NBEA: variants seen among roughly 807,000 people sequenced by gnomAD.
The protein encoded by NBEA is lysosomal-trafficking regulator 2.
Under a neutral mutation model 343.4 loss-of-function variants are expected in NBEA, and 44 were observed. The observed-to-expected ratio is 0.13, with a 90% CI of 0.10 to 0.16. NBEA has a LOEUF of 0.16. NBEA is among the 10% of genes least tolerant of loss of function. The pLI is 1.00. For synonymous variants in NBEA, 1,175 were observed against 1,238.7 expected, an observed-to-expected ratio of 0.95 and a Z score of 1.08; for missense variants, 2,555 against 3,631.3, an observed-to-expected ratio of 0.70 and a Z score of 7.62.
intron 44 of NBEA, among the ~76,000 whole-genome samples, chr13:35,558,684 A>G (rs1379703561): frequency 1.3e-5 from 2 of 152,252 alleles, no homozygotes; most frequent in Admixed American, 1.3e-4. Flanking sequence ...CTACAGAATC[A>G]GAAGCCGGCA....
At chr13:35,234,098 T>C (rs1473480713) in intron 34 of NBEA, among the ~76,000 whole-genome samples, 2 of 152,170 alleles carry the variant, frequency 1.3e-5, no homozygotes, top group Non-Finnish European at 2.9e-5. Context: ...GCCAGTCTCA[T>C]GTGAACCAGA....
At chr13:35,491,620 T>C (rs2076502254) in intron 41 of NBEA, among the ~76,000 whole-genome samples, 1 of 151,908 alleles carries the variant, frequency 6.6e-6, no homozygotes. Flanking sequence ...TCACCAACTT[T>C]ACAGCTTCCA....
chr13:34,959,873 A>G (rs1319811016), intron 1 of NBEA, among the ~76,000 whole-genome samples: 1 of 152,192 alleles, frequency 6.6e-6, no homozygotes, highest in Non-Finnish European at 1.5e-5. Flanking sequence ...TGCTAGTTGT[A>G]TAAAGGTATA....
chr13:35,441,912 A>G (rs1317602278), intron 39 of NBEA, among the ~76,000 whole-genome samples: 3 of 150,980 alleles, frequency 2.0e-5, no homozygotes, highest in African/African-American at 7.3e-5. Flanking sequence ...GCCCACTCTC[A>G]AGTTGTCCAG....
chr13:35,162,055 C>T (rs2069601657), intron 23 of NBEA, 88 bp downstream of exon 23: 5 of 1,096,770 alleles, frequency 4.6e-6, no homozygotes, highest in Admixed American at 2.8e-5. Context: ...AACCAAAAAT[C>T]TGCCTTGATT....
At chr13:35,062,763 T>A (rs2063512192) in intron 8 of NBEA, among the ~76,000 whole-genome samples, 1 of 151,948 alleles carries the variant, frequency 6.6e-6, no homozygotes, top group African/African-American at 2.4e-5. Flanking sequence ...TCTTTAAGTC[T>A]TTTGAAAGAA....
chr13:35,550,735 TAAAAA>T (rs1566306681), intron 42 of NBEA, 141 bp downstream of exon 42: 1 of 687,716 alleles, frequency 1.5e-6, no homozygotes. Flanking sequence ...TTTTAAAAAA[TAAAAA>T]AAGAATGAAT....
intron 35 of NBEA, among the ~76,000 whole-genome samples, chr13:35,290,711 T>G (rs1047739783): frequency 6.6e-6 from 1 of 151,156 alleles, no homozygotes; most frequent in East Asian, 1.9e-4. Flanking sequence ...TCTTCCATTG[T>G]TTCCTATCAT....
chr13:34,945,810 A>C (rs2059169600), intron 1 of NBEA, among the ~76,000 whole-genome samples: 1 of 151,986 alleles, frequency 6.6e-6, no homozygotes, highest in South Asian at 2.1e-4. Context: ...CTTGGTTTTT[A>C]GGTGCTGTTT....
chr13:35,456,052 T>A (rs1262163562), intron 40 of NBEA, among the ~76,000 whole-genome samples: 3 of 152,022 alleles, frequency 2.0e-5, no homozygotes, highest in Non-Finnish European at 2.9e-5. Context: ...TAATTTTAGT[T>A]TTGCTTATAG....
chr13:35,450,738 T>C (rs749257829), intron 39 of NBEA, among the ~76,000 whole-genome samples: 2 of 152,184 alleles, frequency 1.3e-5, no homozygotes, highest in African/African-American at 4.8e-5. Flanking sequence ...AAATGAGATA[T>C]GAAGACATTT....
At chr13:35,466,231 T>G (rs1205297392) in intron 40 of NBEA, among the ~76,000 whole-genome samples, 1 of 152,164 alleles carries the variant, frequency 6.6e-6, no homozygotes, top group Non-Finnish European at 1.5e-5. Flanking sequence ...TTGTTAATCT[T>G]AGTGTTAAGG....
chr13:35,489,061 C>T (rs979913746), intron 41 of NBEA, among the ~76,000 whole-genome samples: 2 of 149,918 alleles, frequency 1.3e-5, no homozygotes, highest in Non-Finnish European at 1.5e-5. Flanking sequence ...TAAGTGCAGG[C>T]GCATGTTTTT....
At chr13:35,197,449 G>C (rs1031780856) in intron 31 of NBEA, among the ~76,000 whole-genome samples, 2 of 151,958 alleles carry the variant, frequency 1.3e-5, no homozygotes, top group African/African-American at 4.8e-5. Context: ...GACTGCTCTT[G>C]TTCTAAGTAA....
intron 11 of NBEA, among the ~76,000 whole-genome samples, chr13:35,101,241 A>G (rs764185066): frequency 3.3e-5 from 5 of 151,940 alleles, no homozygotes; most frequent in South Asian, 2.1e-4. Flanking sequence ...GCTGGGTCCT[A>G]TGTTTATTTG....
At chr13:35,062,697 CTGAAAGGAAGAAAAAAAAT>C (rs2063509487) in intron 8 of NBEA, among the ~76,000 whole-genome samples, 1 of 151,696 alleles carries the variant, frequency 6.6e-6, no homozygotes, top group African/African-American at 2.4e-5. Flanking sequence ...CCTTAAAGTT[CTGAAAGGAAGAAAAAAAAT>C]CTGTCAACCT....
intron 45 of NBEA, among the ~76,000 whole-genome samples, chr13:35,573,571 A>G (rs777172553): frequency 6.6e-6 from 1 of 152,186 alleles, no homozygotes; most frequent in Admixed American, 6.5e-5. Context: ...GAACTTCCAA[A>G]GCAGTCCTAG....
chr13:35,527,670 G>A (rs2078046862), intron 41 of NBEA, among the ~76,000 whole-genome samples: 1 of 152,210 alleles, frequency 6.6e-6, no homozygotes, highest in African/African-American at 2.4e-5. Flanking sequence ...CGTGCTGGGA[G>A]CCAGGAGAGG....
At chr13:35,317,695 C>A (rs777160030) in intron 36 of NBEA, among the ~76,000 whole-genome samples, 24 of 152,240 alleles carry the variant, frequency 1.6e-4, no homozygotes, top group Non-Finnish European at 2.6e-4. Context: ...TTACTTTGGG[C>A]AATATGGCCA....
Sources: allele counts gnomAD v4.1 joint callset (sites outside exome capture counted in the v4.1 genomes callset), GRCh38; gene constraint gnomAD v4.1.1; transcripts MANE v1.5; gene names NCBI Gene and HGNC (gene_info 2026-07-23, HGNC 2026-07-21).